CFAP74: variants seen among roughly 807,000 people sequenced by gnomAD.
CFAP74 encodes cilia- and flagella-associated protein 74.
CFAP74 carries 124 observed loss-of-function variants against 188.9 expected under a neutral mutation model. The observed-to-expected ratio is 0.66, with a 90% confidence interval of 0.57 to 0.76. The LOEUF (loss-of-function observed/expected upper bound fraction) is 0.76. CFAP74 is among the 30% of genes least tolerant of loss of function. The pLI is 0.00. For missense variants in CFAP74, 2,198 were observed against 2,165.2 expected (o/e 1.02, Z -0.30); for synonymous variants, 956 against 916.7 (o/e 1.04, Z -0.77).
chr1:1,937,448 C>A (rs1652977993), intron 25 of CFAP74, among the ~76,000 whole-genome samples: 1 of 152,034 alleles, frequency 6.6e-6, no homozygotes, highest in African/African-American at 2.4e-5. Context: ...CCCCAGTGGC[C>A]CAGGTCAGTA....
chr1:1,967,419 C>T (rs1655545716), intron 11 of CFAP74, among the ~76,000 whole-genome samples: 1 of 134,880 alleles, frequency 7.4e-6, no homozygotes. Flanking sequence ...CACAGAAAAT[C>T]GCAGGGAGCA....
In CFAP74 at chr1:1,968,901, G is replaced by T; in HGVS notation, c.1047-68C>A. Reference sequence around the variant, plus strand: ...CCTCCACCTTGCCCCAGATGAGACAGTGCCCGGCGGCCCCTCCCTAGCGCC... The same window carrying T: ...CCTCCACCTTGCCCCAGATGAGACATTGCCCGGCGGCCCCTCCCTAGCGCC... On this transcript the variant is annotated intron_variant, in intron 10 of 38. Transcript: ENST00000682832. This position sits in a 1 kb window ranked among gnomAD's most constrained non-coding sequence, Gnocchi z 4.3. The T allele has an allele frequency of 6.8e-7, 1 of 1,471,754 alleles. No homozygotes were observed. Among genetic ancestry groups the T allele is most frequent in the Non-Finnish European group, 9.4e-7 (1 of 1,068,120 alleles). 91.2% of individuals were successfully genotyped at this position (1,471,754 alleles called of 1,614,324 possible). A position where few individuals can be genotyped will look rare whatever the true frequency, so the allele number is the denominator to read the frequency against.
intron 1 of CFAP74, among the ~76,000 whole-genome samples, chr1:1,995,657 C>A (rs2102117242): frequency 6.6e-6 from 1 of 152,116 alleles, no homozygotes; most frequent in African/African-American, 2.4e-5. Flanking sequence ...CGCCTGTAAT[C>A]CCAGCATTTT....
chr1:1,989,111 A>C lies in CFAP74; in HGVS notation c.68-138T>G. 2.6e-5 allele frequency: 12 copies of C among 461,810 alleles called. No individual in the cohort carries two copies. In the South Asian group the frequency reaches 2.7e-4, roughly 11 times the overall value. 28.6% of individuals were successfully genotyped at this position (461,810 alleles called of 1,614,324 possible). On this transcript the variant is annotated intron_variant, in intron 2 of 38. Coordinates refer to ENST00000682832, the MANE Select transcript of CFAP74 (RefSeq NM_001304360.2). ...GCACTGCAGCCACACAAGCACAGGC[A>C]GAGGTAAACAGCCTGGGTGACTCAG...
At position 1,946,440 on chromosome 1, in the gene CFAP74, C is replaced by T. The variant is rs2102051609; in HGVS notation, c.2242-1G>A. ...AGGGGCCAATTTCCCCTTCTGTTAC[C>T]TGCACAGGAAGAGATGCCATGGGGT... On this transcript the variant is annotated splice_acceptor_variant, in intron 19 of 38. Transcript: ENST00000682832. LOFTEE classifies it high-confidence loss of function. 6.5e-7 allele frequency: 1 copy of T among 1,534,948 alleles called. No individual in the cohort carries two copies. The highest frequency in any genetic ancestry group is 1.2e-5 in the South Asian group (1 of 83,840).
intron 10 of CFAP74, among the ~76,000 whole-genome samples, chr1:1,969,199 AG>A (rs1655714241): frequency 5.7e-5 from 2 of 35,128 alleles, no homozygotes; most frequent in Admixed American, 3.7e-4. Flanking sequence ...AGCCCTGCCC[AG>A]CCCAGCCTAG....
intron 1 of CFAP74, among the ~76,000 whole-genome samples, chr1:1,997,734 C>T (rs1424253285): frequency 6.6e-6 from 1 of 152,150 alleles, no homozygotes; most frequent in Admixed American, 6.6e-5. Flanking sequence ...GAGGAACCCC[C>T]TCGGGCAGCA....
intron 21 of CFAP74, among the ~76,000 whole-genome samples, chr1:1,943,277 C>T (rs568422938): frequency 3.3e-5 from 5 of 152,324 alleles, no homozygotes; most frequent in Admixed American, 2.6e-4. Context: ...TGTAGTAGGA[C>T]GATGCCGGAG....
chr1:1,984,300 CTTTTTTT>C (rs34354073), intron 6 of CFAP74: 2 of 139,950 alleles, frequency 1.4e-5, no homozygotes, highest in African/African-American at 5.3e-5. Flanking sequence ...AGCCCAAAAA[CTTTTTTT>C]TTTTTTTTTT....
intron 13 of CFAP74, among the ~76,000 whole-genome samples, chr1:1,964,499 C>T (rs559224217): frequency 5.3e-5 from 8 of 152,316 alleles, no homozygotes; most frequent in South Asian, 2.1e-4. Flanking sequence ...CGTTAAAAAG[C>T]GAAAGGCAGG....
At chr1:1,999,895 G>A (rs978963184) in intron 1 of CFAP74, among the ~76,000 whole-genome samples, 2 of 152,112 alleles carry the variant, frequency 1.3e-5, no homozygotes, top group Admixed American at 6.6e-5. Context: ...GCCGGGCGCG[G>A]TGGCTCACGC....
intron 20 of CFAP74, among the ~76,000 whole-genome samples, chr1:1,946,056 T>C (rs1653749016): frequency 6.6e-6 from 1 of 151,824 alleles, no homozygotes; most frequent in African/African-American, 2.4e-5. Flanking sequence ...CGTGTGTGCA[T>C]GTGTGCATGT....
In CFAP74 at chr1:1,999,189, C is replaced by G. The variant is rs115202187; in HGVS notation, c.-20+4512G>C. On this transcript the variant is annotated intron_variant, in intron 1 of 38. Coordinates refer to ENST00000682832, the MANE Select transcript of CFAP74 (RefSeq NM_001304360.2). ...TGATTCTAAAGCTGTAAAACTAAGA[C>G]AGTAGAGTGCTTTGGACAAGACAAA... Among the ~76,000 whole-genome samples, 669 of 152,272 alleles carry G rather than the reference C, an allele frequency of 4.4e-3. 4 individuals are homozygous for G. Among genetic ancestry groups the G allele is most frequent in the African/African-American group, 0.016 (645 of 41,560 alleles).
In CFAP74 at chr1:1,945,385, G is replaced by A. The variant is rs141473925; in HGVS notation, c.2364+932C>T. 9.8e-3 allele frequency among the ~76,000 whole-genome samples: 1,494 copies of A among 152,294 alleles called. 25 individuals are homozygous for A. The highest frequency in any genetic ancestry group is 0.033 in the African/African-American group (1,380 of 41,556). ...AAGTGCAGCAGCCCAGCACGAAGCC[G>A]CCTAGGCAGTGGTACTGTCCTGGTG... On this transcript the variant is annotated intron_variant, in intron 20 of 38. Transcript: ENST00000682832.
At chr1:1,997,516 A>C (rs1657982276) in intron 1 of CFAP74, among the ~76,000 whole-genome samples, 1 of 152,196 alleles carries the variant, frequency 6.6e-6, no homozygotes, top group African/African-American at 2.4e-5. Context: ...AAATCCAAAC[A>C]AATATACAGA....
At chr1:1,983,289 C>T (rs765021462) in intron 6 of CFAP74, among the ~76,000 whole-genome samples, 55 of 152,218 alleles carry the variant, frequency 3.6e-4, no homozygotes, top group Non-Finnish European at 4.9e-4. Flanking sequence ...GGACACGGAG[C>T]GGGATTTCCC....
At chr1:1,964,835 C>T in intron 13 of CFAP74, 53 bp downstream of exon 13, 2 of 1,597,210 alleles carry the variant, frequency 1.3e-6, no homozygotes, top group Non-Finnish European at 1.7e-6. Context: ...GCAGGGCTCC[C>T]CTGCTGTCCT....
At chr1:1,925,415 G>GCAAAC (rs2102029654) in intron 33 of CFAP74, among the ~76,000 whole-genome samples, 1 of 151,738 alleles carries the variant, frequency 6.6e-6, no homozygotes, top group African/African-American at 2.4e-5. Flanking sequence ...GCAGAGGGCT[G>GCAAAC]CAAACCCTTG....
intron 25 of CFAP74, among the ~76,000 whole-genome samples, chr1:1,932,123 G>A (rs1224142079): frequency 1.3e-5 from 2 of 149,268 alleles, no homozygotes; most frequent in Non-Finnish European, 3.0e-5. Context: ...TAGGCCGGGC[G>A]CGGTGGCTCA....
Sources: allele counts gnomAD v4.1 joint callset (sites outside exome capture counted in the v4.1 genomes callset), GRCh38; gene constraint gnomAD v4.1.1; non-coding constraint Gnocchi (gnomAD v3.1); transcripts MANE v1.5; gene names NCBI Gene and HGNC (gene_info 2026-07-23, HGNC 2026-07-21).